The following CLSPN variants were observed in gnomAD, a reference collection of about 807,000 sequenced individuals.
The protein encoded by CLSPN is claspin, also known as claspin homolog.
A neutral mutation model predicts 156.3 loss-of-function variants in CLSPN; 85 were observed. The ratio of observed to expected loss-of-function variants is 0.54; its 90% CI spans 0.46 to 0.65. The LOEUF (loss-of-function observed/expected upper bound fraction) is 0.65. CLSPN is among the 30% of genes least tolerant of loss of function. The probability of loss-of-function intolerance (pLI) is 0.00; values close to 1 mark genes in which losing one functional copy is unlikely to be tolerated. For synonymous variants in CLSPN, 534 were observed against 542.4 expected, an observed-to-expected ratio of 0.98 and a Z score of 0.22; for missense variants, 1,407 against 1,554.9, an observed-to-expected ratio of 0.90 and a Z score of 1.60.
chr1:35,750,166 A>G (rs984472884), intron 10 of CLSPN, among the ~76,000 whole-genome samples: 3 of 152,082 alleles, frequency 2.0e-5, no homozygotes, highest in African/African-American at 7.2e-5. Flanking sequence ...TAGCTCAGCC[A>G]TTGCTTTCTT....
Position 35,746,699 on chromosome 1 carries a change from G to A in CLSPN, c.2854+67C>T, listed in dbSNP as rs1329046707. 2.7e-6 allele frequency: 3 copies of A among 1,123,426 alleles called. No homozygotes were observed. Among genetic ancestry groups the A allele is most frequent in the African/African-American group, 3.1e-5 (2 of 65,254 alleles). 69.6% of individuals were successfully genotyped at this position (1,123,426 alleles called of 1,614,324 possible). A position where few individuals can be genotyped will look rare whatever the true frequency, so the allele number is the denominator to read the frequency against. ...AGGCATGAGCCACCCCACCCGCCCA[G>A]GGAATTCTTTTCAAGGGCACTGATA... On this transcript the variant is annotated intron_variant, in intron 15 of 24. Coordinates refer to ENST00000318121, the MANE Select transcript of CLSPN (RefSeq NM_022111.4). This position sits in a 1 kb window ranked among gnomAD's most constrained non-coding sequence, Gnocchi z 4.2.
At position 35,738,588 on chromosome 1, in the gene CLSPN, CAA is replaced by C. The variant is rs1641568025; in HGVS notation, c.3431-8_3431-7del. On this transcript the variant is annotated splice_region_variant and splice_polypyrimidine_tract_variant and intron_variant, in intron 20 of 24. Coordinates refer to ENST00000318121, the MANE Select transcript of CLSPN (RefSeq NM_022111.4). Reference sequence around the variant, plus strand: ...GTCCATCTGGGAAGCATCATCTAAACAAAGAGTGAAGGTAATCAGCATTCGGC... The same window carrying C: ...GTCCATCTGGGAAGCATCATCTAAACAGAGTGAAGGTAATCAGCATTCGGC... The C allele has an allele frequency of 3.7e-6, 6 of 1,613,802 alleles. No individual in the cohort carries two copies. Among genetic ancestry groups the C allele is most frequent in the East Asian group, 2.2e-5 (1 of 44,868 alleles).
At chr1:35,761,961 T>C in intron 6 of CLSPN, 37 bp downstream of exon 6, 1 of 1,410,910 alleles carries the variant, frequency 7.1e-7, no homozygotes, top group South Asian at 1.2e-5. Context: ...CAAAGAAATG[T>C]TGTGATTTTG....
chr1:35,728,077 C>CTTTTTTTTTTTTTTTTTTTTT (rs59275877), downstream of CLSPN, among the ~76,000 whole-genome samples: 1 of 103,982 alleles, frequency 9.6e-6, no homozygotes, highest in Non-Finnish European at 1.9e-5. Context: ...AAACCACAAG[C>CTTTTTTTTTTTTTTTTTTTTT]TTTTTTTTTT....
At chr1:35,738,141 CAG>C in intron 21 of CLSPN, 44 bp from the exon 22 acceptor site, 1 of 615,518 alleles carries the variant, frequency 1.6e-6, no homozygotes, top group Non-Finnish European at 2.3e-6. Flanking sequence ...TATATATATA[CAG>C]CATTAAAAGT....
intron 9 of CLSPN, 48 bp from the exon 10 acceptor site, chr1:35,751,554 G>A (rs1013717210): frequency 1.3e-6 from 2 of 1,561,868 alleles, no homozygotes; most frequent in African/African-American, 1.4e-5. Flanking sequence ...CAATAATTAG[G>A]TATGCATTTT....
At chr1:35,728,463 T>A (rs1199760511), downstream of CLSPN, among the ~76,000 whole-genome samples, 1 of 152,204 alleles carries the variant, frequency 6.6e-6, no homozygotes, top group Non-Finnish European at 1.5e-5. Flanking sequence ...GCTAGCTCCT[T>A]CCCTGGATAG....
intron 10 of CLSPN, among the ~76,000 whole-genome samples, chr1:35,750,498 TTCAAGCAATTC>T (rs886686413): frequency 4.6e-5 from 7 of 151,666 alleles, no homozygotes; most frequent in Non-Finnish European, 8.8e-5. Flanking sequence ...ACTGCCCAAG[TTCAAGCAATTC>T]TCCTGCCTGA....
chr1:35,762,153 C>T, intron 5 of CLSPN, 83 bp from the exon 6 acceptor site: 1 of 1,105,588 alleles, frequency 9.0e-7, no homozygotes, highest in South Asian at 1.3e-5. Flanking sequence ...AGTTTGCTCT[C>T]TCCAAGAAAA....
In CLSPN at chr1:35,760,495, G is replaced by C. The variant is rs769827549; in HGVS notation, c.1426C>G (p.Gln476Glu). 1.2e-6 allele frequency: 2 copies of C among 1,614,198 alleles called. No homozygotes were observed. The highest frequency in any genetic ancestry group is 1.7e-6 in the Non-Finnish European group (2 of 1,180,036). ...CCAACTGCTGATGATTTATTTTGCT[G>C]CTCAGGCTCTTCCACTTTCTCATCT... Reference protein sequence around the residue: ...ETDEKVEEPEQQNKSSAVGPP... With the variant: ...ETDEKVEEPEEQNKSSAVGPP... The change falls in exon 8 of 25, where the codon CAG becomes GAG. Residue 476 changes from glutamine (Q) to glutamate (E), a missense_variant. Physicochemically the swap from Gln to Glu is conservative, Grantham distance 29 (BLOSUM62 2). Transcript: ENST00000318121.
chr1:35,734,839 C>T lies in CLSPN; in HGVS notation c.*1657G>A. 4 of 985,436 alleles carry T rather than the reference C, an allele frequency of 4.1e-6. No homozygotes were observed. The highest frequency in any genetic ancestry group is 4.7e-5 in the South Asian group (1 of 21,292). The allele number at this position is 985,436 out of a possible 1,614,324, so 61.0% of individuals were successfully genotyped here. A position where few individuals can be genotyped will look rare whatever the true frequency, so the allele number is the denominator to read the frequency against. The stretch of plus-strand genomic sequence containing the variant: ...AACTGCCCAAGTACAGGTCCTGACA[C>T]TGAAACCACAGTATTCACATGGAAT... On this transcript the variant is annotated 3_prime_UTR_variant, in exon 25 of 25. Transcript: ENST00000318121.
In CLSPN at chr1:35,765,213, C is replaced by A. The variant is rs1642628391; in HGVS notation, c.133+5G>T. On this transcript the variant is annotated splice_donor_5th_base_variant and intron_variant, in intron 2 of 24. Coordinates refer to ENST00000318121, the MANE Select transcript of CLSPN (RefSeq NM_022111.4). ...ATTCCTAAAAATAAAAGTACTATTACAAACCTCCTTCACTCAAGGGTCCAA... is the reference window on the plus strand; with the variant it reads ...ATTCCTAAAAATAAAAGTACTATTAAAAACCTCCTTCACTCAAGGGTCCAA... 7 of 1,590,536 alleles carry A rather than the reference C, an allele frequency of 4.4e-6. No homozygotes were observed. In the East Asian group the frequency reaches 1.6e-4, roughly 36 times the overall value.
intron 15 of CLSPN, 99 bp from the exon 16 acceptor site, chr1:35,745,661 G>T: frequency 1.2e-6 from 1 of 804,088 alleles, no homozygotes. Context: ...CAGTTCTAAG[G>T]TAAGCTTGCC....
intron 7 of CLSPN, 34 bp downstream of exon 7, chr1:35,761,062 C>T (rs1217623954): frequency 6.6e-7 from 1 of 1,517,250 alleles, no homozygotes; most frequent in South Asian, 1.1e-5. Context: ...ACTAAATGTT[C>T]ATGAAAATTA....
At chr1:35,738,156 A>C in intron 21 of CLSPN, 59 bp from the exon 22 acceptor site, 1 of 735,076 alleles carries the variant, frequency 1.4e-6, no homozygotes, top group Non-Finnish European at 1.9e-6. Flanking sequence ...TTAAAAGTCT[A>C]TAACCTTCCT....
intron 1 of CLSPN, among the ~76,000 whole-genome samples, chr1:35,769,388 G>A (rs1642783299): frequency 6.6e-6 from 1 of 152,058 alleles, no homozygotes; most frequent in South Asian, 2.1e-4. Flanking sequence ...TGACCTCCAG[G>A]GCCCCTCCCA....
In CLSPN at chr1:35,724,610, T is replaced by G. The variant is rs77542088; in HGVS notation, c.3910-3630A>C. Among the ~76,000 whole-genome samples, 437 of 152,340 alleles carry G rather than the reference T, an allele frequency of 2.9e-3. 12 individuals carry two copies. In the East Asian group the frequency reaches 0.073, roughly 26 times the overall value. ...TCATCTGTCAACTTCCCCACATGGC[T>G]TTGGGAACTTAGGCAAATCAAATCA... On this transcript the variant is annotated intron_variant, in intron 24 of 24. Coordinates refer to the CLSPN transcript ENST00000251195.
intron 24 of CLSPN, among the ~76,000 whole-genome samples, chr1:35,722,252 C>A (rs895448376): frequency 2.1e-5 from 3 of 142,538 alleles, no homozygotes; most frequent in Admixed American, 7.4e-5. Flanking sequence ...GCTAGTTATT[C>A]CTTTTTTTTT....
intron 18 of CLSPN, among the ~76,000 whole-genome samples, chr1:35,740,079 A>G (rs1312011284): frequency 6.6e-6 from 1 of 152,214 alleles, no homozygotes; most frequent in Non-Finnish European, 1.5e-5. Flanking sequence ...TCTCTTTTAC[A>G]TGTATTAGAA....
Sources: gnomAD v4.1 joint callset for allele counts (sites outside exome capture counted in the v4.1 genomes callset) on GRCh38, gnomAD v4.1.1 for gene constraint, Gnocchi (gnomAD v3.1) non-coding constraint, MANE v1.5 for transcripts, NCBI Gene and HGNC (gene_info 2026-07-23, HGNC 2026-07-21) for gene names.